LDB2: variants seen among roughly 807,000 people sequenced by gnomAD.
The protein encoded by LDB2 is LIM domain-binding protein 2.
Under a neutral mutation model 44.3 loss-of-function variants are expected in LDB2, and 12 were observed. The observed-to-expected ratio is 0.27, with a 90% CI of 0.17 to 0.44. The LOEUF is 0.44. LDB2 is among the 20% of genes least tolerant of loss of function. The probability of loss-of-function intolerance (pLI) is 1.00; values close to 1 mark genes in which losing one functional copy is unlikely to be tolerated. For missense variants in LDB2, 344 were observed against 473.5 expected, an observed-to-expected ratio of 0.73 and a Z score of 2.54; for synonymous variants, 164 against 174.8, an observed-to-expected ratio of 0.94 and a Z score of 0.49.
intron 1 of LDB2, among the ~76,000 whole-genome samples, chr4:16,812,169 A>T (rs190960321): frequency 6.6e-6 from 1 of 152,320 alleles, no homozygotes; most frequent in African/African-American, 2.4e-5. Flanking sequence ...ATCTGGAGAC[A>T]ATGACTGACA....
At chr4:16,546,613 G>C (rs1735854944) in intron 5 of LDB2, among the ~76,000 whole-genome samples, 1 of 152,138 alleles carries the variant, frequency 6.6e-6, no homozygotes, top group East Asian at 1.9e-4. Flanking sequence ...CTGGCCACCA[G>C]GGTCTTCAGC....
intron 1 of LDB2, among the ~76,000 whole-genome samples, chr4:16,875,360 A>G (rs987403315): frequency 6.6e-6 from 1 of 152,226 alleles, no homozygotes; most frequent in African/African-American, 2.4e-5. Flanking sequence ...AAAGATTACC[A>G]TGCTACTGGA....
chr4:16,645,260 G>C (rs187207660), intron 2 of LDB2, among the ~76,000 whole-genome samples: 2 of 152,258 alleles, frequency 1.3e-5, no homozygotes, highest in Admixed American at 6.5e-5. Context: ...TTGGTGGCCG[G>C]GCGCGGTGGC....
chr4:16,739,613 TATATAC>T (rs1354470175), intron 2 of LDB2, among the ~76,000 whole-genome samples: 6 of 87,314 alleles, frequency 6.9e-5, no homozygotes, highest in South Asian at 3.3e-4. Context: ...TATATATGTA[TATATAC>T]ATGTGTGTGT....
intron 5 of LDB2, among the ~76,000 whole-genome samples, chr4:16,540,101 C>T (rs1185347062): frequency 6.6e-6 from 1 of 152,080 alleles, no homozygotes; most frequent in African/African-American, 2.4e-5. Flanking sequence ...CACTTTTAAA[C>T]AATCAGATCT....
chr4:16,774,771 G>A (rs973255372), intron 1 of LDB2, among the ~76,000 whole-genome samples: 1 of 152,136 alleles, frequency 6.6e-6, no homozygotes, highest in African/African-American at 2.4e-5. Context: ...GTGCATGTGT[G>A]TGTGTGAGCA....
At chr4:16,787,548 C>T (rs897675975) in intron 1 of LDB2, among the ~76,000 whole-genome samples, 15 of 152,102 alleles carry the variant, frequency 9.9e-5, no homozygotes, top group South Asian at 4.2e-4. Context: ...CAGGAGGCTA[C>T]GGTTGCAGTG....
intron 5 of LDB2, among the ~76,000 whole-genome samples, chr4:16,554,611 C>G (rs543282075): frequency 6.6e-6 from 1 of 152,276 alleles, no homozygotes; most frequent in South Asian, 2.1e-4. Flanking sequence ...AATGAGTGAT[C>G]AAGCCATGGA....
At position 16,768,516 on chromosome 4, in the gene LDB2, T is replaced by C. The variant is rs528767446; in HGVS notation, c.133-9256A>G. 1.9e-4 allele frequency among the ~76,000 whole-genome samples: 29 copies of C among 152,308 alleles called. 1 individual carries two copies. The highest frequency in any genetic ancestry group is 3.4e-4 in the Non-Finnish European group (23 of 68,032). The stretch of plus-strand genomic sequence containing the variant: ...TACACTTGCTCTGCCTACATTTCTT[T>C]TTCTGCCATATCCAGATATTAAGAA... On this transcript the variant is annotated intron_variant, in intron 1 of 7. Coordinates refer to ENST00000304523, the MANE Select transcript of LDB2 (RefSeq NM_001290.5).
At chr4:16,682,509 T>C (rs1222044438) in intron 2 of LDB2, among the ~76,000 whole-genome samples, 2 of 152,230 alleles carry the variant, frequency 1.3e-5, no homozygotes, top group Non-Finnish European at 2.9e-5. Context: ...ATGACAAATA[T>C]TGTTAGATAC....
At chr4:16,793,191 T>C (rs1579716747) in intron 1 of LDB2, among the ~76,000 whole-genome samples, 1 of 152,162 alleles carries the variant, frequency 6.6e-6, no homozygotes, top group Non-Finnish European at 1.5e-5. Context: ...CAGCTGAAAA[T>C]TGGTATACGC....
intron 2 of LDB2, among the ~76,000 whole-genome samples, chr4:16,678,486 G>A (rs1263358350): frequency 1.3e-5 from 2 of 152,122 alleles, no homozygotes; most frequent in African/African-American, 2.4e-5. Flanking sequence ...GTGGTTTCAG[G>A]GGTGAAGGGG....
At chr4:16,586,195 A>G (rs938258614) in intron 4 of LDB2, among the ~76,000 whole-genome samples, 190 bp from the exon 5 acceptor site, 27 of 152,154 alleles carry the variant, frequency 1.8e-4, no homozygotes, top group African/African-American at 6.3e-4. Flanking sequence ...ACATTTTCAG[A>G]TCAATTGTGC....
At chr4:16,723,159 A>G (rs1758675365) in intron 2 of LDB2, among the ~76,000 whole-genome samples, 1 of 152,192 alleles carries the variant, frequency 6.6e-6, no homozygotes, top group Non-Finnish European at 1.5e-5. Flanking sequence ...AGAATGTTTA[A>G]GAATAAGGTA....
At chr4:16,886,762 G>A (rs1159250333) in intron 1 of LDB2, among the ~76,000 whole-genome samples, 1 of 151,988 alleles carries the variant, frequency 6.6e-6, no homozygotes, top group Non-Finnish European at 1.5e-5. Context: ...GCTGGGCACG[G>A]TGGCTCACAC....
intron 1 of LDB2, among the ~76,000 whole-genome samples, chr4:16,766,243 C>T (rs1443892117): frequency 6.6e-6 from 1 of 151,914 alleles, no homozygotes; most frequent in Non-Finnish European, 1.5e-5. Context: ...AATATACATG[C>T]ATGATTCCAC....
At chr4:16,539,540 C>T (rs941702917) in intron 5 of LDB2, among the ~76,000 whole-genome samples, 1 of 152,178 alleles carries the variant, frequency 6.6e-6, no homozygotes, top group Non-Finnish European at 1.5e-5. Flanking sequence ...CCACACCTAG[C>T]AGCTTATGAA....
intron 1 of LDB2, among the ~76,000 whole-genome samples, chr4:16,862,386 C>G (rs946023831): frequency 6.6e-6 from 1 of 152,010 alleles, no homozygotes; most frequent in Non-Finnish European, 1.5e-5. Context: ...GTAATCCCAG[C>G]ACTTTGGGAG....
chr4:16,578,965 CT>C (rs1281641116), intron 5 of LDB2, among the ~76,000 whole-genome samples: 2 of 152,226 alleles, frequency 1.3e-5, no homozygotes, highest in East Asian at 3.9e-4. Context: ...ATTGCATGTT[CT>C]CATTTATCTG....
Sources: allele counts gnomAD v4.1 joint callset (sites outside exome capture counted in the v4.1 genomes callset), GRCh38; gene constraint gnomAD v4.1.1; transcripts MANE v1.5; gene names NCBI Gene and HGNC (gene_info 2026-07-23, HGNC 2026-07-21).